Variants in RASAL2 observed in about 807,000 individuals in gnomAD.
The protein encoded by RASAL2 is RAS protein activator like 2.
RASAL2 carries 58 observed loss-of-function variants against 128.9 expected under a neutral mutation model. The ratio of observed to expected loss-of-function variants is 0.45; its 90% CI spans 0.36 to 0.56. The LOEUF (loss-of-function observed/expected upper bound fraction) is 0.56, where lower values mean the gene tolerates loss of function less well. Among genes scored for constraint, RASAL2 ranks in the 20% least tolerant of loss-of-function variants. The probability of loss-of-function intolerance (pLI) is 0.00; values close to 1 mark genes in which losing one functional copy is unlikely to be tolerated. For missense variants in RASAL2, 1,360 were observed against 1,601.6 expected (o/e 0.85, Z 2.57); for synonymous variants, 561 against 580.8 (o/e 0.97, Z 0.49).
At chr1:178,333,349 T>A (rs1221991008) in intron 3 of RASAL2, among the ~76,000 whole-genome samples, 6 of 152,210 alleles carry the variant, frequency 3.9e-5, no homozygotes, top group Non-Finnish European at 7.3e-5. Context: ...ATCTCTTTTA[T>A]TCTCTGAATT....
chr1:178,303,094 A>C (rs1385460136), intron 3 of RASAL2, among the ~76,000 whole-genome samples: 1 of 152,152 alleles, frequency 6.6e-6, no homozygotes, highest in Non-Finnish European at 1.5e-5. Context: ...AGAGTCTTGA[A>C]GTTATCCCAT....
At chr1:178,249,272 G>C (rs1003303145) in intron 1 of RASAL2, among the ~76,000 whole-genome samples, 1 of 151,610 alleles carries the variant, frequency 6.6e-6, no homozygotes, top group Non-Finnish European at 1.5e-5. Context: ...TTGTCTTCAC[G>C]TGTTATTTCA....
intron 1 of RASAL2, among the ~76,000 whole-genome samples, chr1:178,139,292 A>G (rs1378088489): frequency 6.6e-6 from 1 of 152,004 alleles, no homozygotes; most frequent in Non-Finnish European, 1.5e-5. Flanking sequence ...AGAGGACCAT[A>G]TTTGTGAAAA....
intron 3 of RASAL2, among the ~76,000 whole-genome samples, chr1:178,366,275 T>C (rs1557933256): frequency 6.6e-6 from 1 of 152,164 alleles, no homozygotes; most frequent in African/African-American, 2.4e-5. Flanking sequence ...TTGATAAATC[T>C]GGAAAAAAGA....
chr1:178,120,487 C>T (rs887713407), intron 1 of RASAL2, among the ~76,000 whole-genome samples: 1 of 152,198 alleles, frequency 6.6e-6, no homozygotes, highest in Non-Finnish European at 1.5e-5. Context: ...ATGGGCTACA[C>T]ATGGACTAAA....
chr1:178,216,989 T>A (rs548837293), intron 1 of RASAL2, among the ~76,000 whole-genome samples: 9 of 151,944 alleles, frequency 5.9e-5, no homozygotes, highest in Non-Finnish European at 1.0e-4. Context: ...TTATTTATTT[T>A]TTTGAGACGG....
chr1:178,415,879 T>G (rs529749383), intron 4 of RASAL2, among the ~76,000 whole-genome samples: 4 of 152,242 alleles, frequency 2.6e-5, no homozygotes, highest in Admixed American at 1.3e-4. Flanking sequence ...TAGCTATGCC[T>G]GCTTTCTTTT....
chr1:178,320,489 C>G (rs1668711135), intron 3 of RASAL2, among the ~76,000 whole-genome samples: 1 of 152,250 alleles, frequency 6.6e-6, no homozygotes, highest in African/African-American at 2.4e-5. Flanking sequence ...GGGATATAGT[C>G]TCGTGGTGCG....
intron 1 of RASAL2, among the ~76,000 whole-genome samples, chr1:178,282,714 T>C (rs563506887): frequency 1.6e-4 from 24 of 152,330 alleles, no homozygotes; most frequent in African/African-American, 4.8e-4. Context: ...GTAGTCTCTA[T>C]AGTATATTCC....
intron 3 of RASAL2, among the ~76,000 whole-genome samples, chr1:178,304,174 A>G (rs919119489): frequency 6.6e-6 from 1 of 152,168 alleles, no homozygotes; most frequent in Non-Finnish European, 1.5e-5. Context: ...AGGATTAAGA[A>G]CTATATAGCC....
intron 14 of RASAL2, among the ~76,000 whole-genome samples, chr1:178,461,548 A>G (rs1458349019): frequency 6.6e-6 from 1 of 152,116 alleles, no homozygotes; most frequent in Non-Finnish European, 1.5e-5. Flanking sequence ...TTCATGTATC[A>G]TCTACTTCGT....
At chr1:178,187,988 G>GC (rs1662364112) in intron 1 of RASAL2, among the ~76,000 whole-genome samples, 1 of 152,062 alleles carries the variant, frequency 6.6e-6, no homozygotes, top group Admixed American at 6.6e-5. Flanking sequence ...TTGGAAGATA[G>GC]CTATACAATG....
At chr1:178,166,627 C>T (rs1370729736) in intron 1 of RASAL2, among the ~76,000 whole-genome samples, 1 of 152,108 alleles carries the variant, frequency 6.6e-6, no homozygotes, top group Non-Finnish European at 1.5e-5. Context: ...CCAAAGATCC[C>T]TTGGGGTTTT....
At chr1:178,120,712 C>T (rs981243949) in intron 1 of RASAL2, among the ~76,000 whole-genome samples, 1 of 152,216 alleles carries the variant, frequency 6.6e-6, no homozygotes, top group South Asian at 2.1e-4. Flanking sequence ...CTATTTGCAG[C>T]CACTCACCAG....
intron 3 of RASAL2, among the ~76,000 whole-genome samples, chr1:178,362,498 A>G (rs936812179): frequency 8.0e-6 from 1 of 125,020 alleles, no homozygotes; most frequent in Non-Finnish European, 1.6e-5. Context: ...CTTTTCCTTC[A>G]TAGTAAGAGT....
At chr1:178,171,521 G>A (rs763215870) in intron 1 of RASAL2, among the ~76,000 whole-genome samples, 4 of 151,996 alleles carry the variant, frequency 2.6e-5, no homozygotes, top group East Asian at 1.9e-4. Context: ...TTGAAAGTGA[G>A]CCTATTCAGA....
intron 1 of RASAL2, among the ~76,000 whole-genome samples, chr1:178,172,118 A>C (rs1027513064): frequency 6.6e-6 from 1 of 152,040 alleles, no homozygotes; most frequent in Non-Finnish European, 1.5e-5. Context: ...GAGGTTGTCC[A>C]TGAAAAATTA....
intron 1 of RASAL2, among the ~76,000 whole-genome samples, chr1:178,274,927 A>C (rs1229516454): frequency 1.3e-5 from 2 of 152,244 alleles, no homozygotes; most frequent in Non-Finnish European, 2.9e-5. Flanking sequence ...TTATTTAAGA[A>C]AAAATTGTAG....
intron 4 of RASAL2, among the ~76,000 whole-genome samples, chr1:178,406,570 C>T (rs1383489020): frequency 6.6e-6 from 1 of 152,034 alleles, no homozygotes; most frequent in South Asian, 2.1e-4. Flanking sequence ...TTGTAAATTA[C>T]ACCTCAAACC....
Sources: gnomAD v4.1 joint callset for allele counts (sites outside exome capture counted in the v4.1 genomes callset) on GRCh38, gnomAD v4.1.1 for gene constraint, MANE v1.5 for transcripts, NCBI Gene and HGNC (gene_info 2026-07-23, HGNC 2026-07-21) for gene names.